The following DLL1 variants were observed in gnomAD, a reference collection of about 807,000 sequenced individuals.
DLL1 encodes delta-like protein 1.
In DLL1, 9 loss-of-function variants were observed where a neutral mutation model predicts 75.1. The observed-to-expected ratio is 0.12, with a 90% CI of 0.07 to 0.21. DLL1 has a LOEUF of 0.21. DLL1 is among the 10% of genes least tolerant of loss of function. The pLI, the probability that DLL1 is intolerant of heterozygous loss-of-function variation, is 1.00. For missense variants in DLL1, 837 were observed against 1,007.6 expected, an observed-to-expected ratio of 0.83 and a Z score of 2.29; for synonymous variants, 477 against 418.3, an observed-to-expected ratio of 1.14 and a Z score of -1.71.
In DLL1 at chr6:170,290,073, C is replaced by T; in HGVS notation, c.54+13G>A. 15 of 1,576,880 alleles carry T rather than the reference C, an allele frequency of 9.5e-6. No homozygotes were observed. The highest frequency in any genetic ancestry group is 1.3e-5 in the Non-Finnish European group (15 of 1,170,550). The stretch of plus-strand genomic sequence containing the variant: ...ACCCCGCGGGGCCGCGGCGCCCCCA[C>T]CTGCCCGCCTACCTGACACAGCAAG... On this transcript the variant is annotated intron_variant, in intron 1 of 10. Coordinates refer to ENST00000366756, the MANE Select transcript of DLL1 (RefSeq NM_005618.4). This position sits in a 1 kb window ranked among gnomAD's most constrained non-coding sequence, Gnocchi z 4.7.
Position 170,283,980 on chromosome 6 carries a change from G to A in DLL1, c.1299C>T (p.Ala433=), listed in dbSNP as rs61757615. The change falls in exon 9 of 11, where the codon GCC becomes GCT. Residue 433 remains alanine, a synonymous_variant. Coordinates refer to ENST00000366756, the MANE Select transcript of DLL1 (RefSeq NM_005618.4). ...CGTCACAGTGCCTCCCCGAGAAGCC[G>A]GCCTGGCAGCGGCACAGGTAGGCAT... ...LGDAYLCRCQ[A]GFSGRHCDDN... is the part of the protein sequence containing the mutation. 2.4e-3 allele frequency: 3,819 copies of A among 1,585,696 alleles called. 82 individuals are homozygous for A. The South Asian group carries it at 0.035, about 14-fold the overall frequency.
rs1460588598 is a variant in DLL1 at position 170,282,427 on chromosome 6, G to T, written c.*447C>A. The T allele has an allele frequency of 4.7e-6, 1 of 213,496 alleles. No individual in the cohort carries two copies. The highest frequency in any genetic ancestry group is 2.3e-5 in the African/African-American group (1 of 43,398). The allele number at this position is 213,496 out of a possible 1,614,324, so 13.2% of individuals were successfully genotyped here. On this transcript the variant is annotated 3_prime_UTR_variant, in exon 11 of 11. Coordinates refer to ENST00000366756, the MANE Select transcript of DLL1 (RefSeq NM_005618.4). ...AATACTCAAGCTTTACAGATATCAT[G>T]AAAAATATTTTTACAAATCCAAAAA...
chr6:170,290,230 G>A lies in DLL1; in HGVS notation c.-91C>T. Reference sequence around the variant, plus strand: ...GCGGGGGATCGATGGGCCACGGGGAGCGTGGGCAGAAAAGCGCCCTTGCCT... The same window carrying A: ...GCGGGGGATCGATGGGCCACGGGGAACGTGGGCAGAAAAGCGCCCTTGCCT... On this transcript the variant is annotated 5_prime_UTR_variant, in exon 1 of 11. Coordinates refer to ENST00000366756, the MANE Select transcript of DLL1 (RefSeq NM_005618.4). This position sits in a 1 kb window ranked among gnomAD's most constrained non-coding sequence, Gnocchi z 4.7. 6.7e-7 allele frequency: 1 copy of A among 1,496,216 alleles called. No individual in the cohort carries two copies. 92.7% of individuals were successfully genotyped at this position (1,496,216 alleles called of 1,614,324 possible). A position where few individuals can be genotyped will look rare whatever the true frequency, so the allele number is the denominator to read the frequency against.
In DLL1 at chr6:170,291,019, G is replaced by C; in HGVS notation, c.-880C>G. On this transcript the variant is annotated 5_prime_UTR_variant, in exon 1 of 11. Coordinates refer to ENST00000366756, the MANE Select transcript of DLL1 (RefSeq NM_005618.4). ...TCAGCAGCCCCCCAATCTGGCGAGA[G>C]CTGTCACAAAGGAGCCACTTTTCCA... 1 of 702,014 alleles carries C rather than the reference G, an allele frequency of 1.4e-6. No individual in the cohort carries two copies. Among genetic ancestry groups the C allele is most frequent in the Middle Eastern group, 2.3e-4 (1 of 4,354 alleles). The allele number at this position is 702,014 out of a possible 1,614,324, so 43.5% of individuals were successfully genotyped here. A position where few individuals can be genotyped will look rare whatever the true frequency, so the allele number is the denominator to read the frequency against.
chr6:170,289,291 C>T, intron 2 of DLL1: 1 of 757,280 alleles, frequency 1.3e-6, no homozygotes, highest in Non-Finnish European at 2.2e-6. Flanking sequence ...CTCCTCCTCG[C>T]CCCAGCGCGG....
At chr6:170,286,825 ACG>A (rs1783707500) in intron 4 of DLL1, among the ~76,000 whole-genome samples, 2 of 150,048 alleles carry the variant, frequency 1.3e-5, no homozygotes, top group South Asian at 4.3e-4. Context: ...ACACACACAC[ACG>A]CACACGCACC....
In DLL1 at chr6:170,290,411, G is replaced by T; in HGVS notation, c.-272C>A. 1 of 411,234 alleles carries T rather than the reference G, an allele frequency of 2.4e-6. No individual in the cohort carries two copies. Among genetic ancestry groups the T allele is most frequent in the Non-Finnish European group, 4.3e-6 (1 of 234,154 alleles). The allele number at this position is 411,234 out of a possible 1,614,324, so 25.5% of individuals were successfully genotyped here. The stretch of plus-strand genomic sequence containing the variant: ...TCTCGGGGGACAGCGCGGCGGCGGC[G>T]ACTTTCGTTTTCCTCCTTCCTCCCA... On this transcript the variant is annotated 5_prime_UTR_variant, in exon 1 of 11. Transcript: ENST00000366756. The surrounding 1 kb of genome is among the most constrained non-coding windows in gnomAD (Gnocchi z 4.7).
chr6:170,290,068 C>T lies in DLL1; in HGVS notation c.54+18G>A, dbSNP rs774396039. ...GTGAGACCCCGCGGGGCCGCGGCGC[C>T]CCCACCTGCCCGCCTACCTGACACA... On this transcript the variant is annotated intron_variant, in intron 1 of 10. Coordinates refer to ENST00000366756, the MANE Select transcript of DLL1 (RefSeq NM_005618.4). This position sits in a 1 kb window ranked among gnomAD's most constrained non-coding sequence, Gnocchi z 4.7. 17 of 1,574,948 alleles carry T rather than the reference C, an allele frequency of 1.1e-5. No individual in the cohort carries two copies. The highest frequency in any genetic ancestry group is 1.5e-5 in the Non-Finnish European group (17 of 1,169,856).
rs1025418935 is a variant in DLL1 at position 170,282,275 on chromosome 6, A to T, written c.*599T>A. 1 of 153,196 alleles carries T rather than the reference A, an allele frequency of 6.5e-6. No individual in the cohort carries two copies. The highest frequency in any genetic ancestry group is 1.5e-5 in the Non-Finnish European group (1 of 68,536). 9.5% of individuals were successfully genotyped at this position (153,196 alleles called of 1,614,324 possible). On this transcript the variant is annotated 3_prime_UTR_variant, in exon 11 of 11. Coordinates refer to ENST00000366756, the MANE Select transcript of DLL1 (RefSeq NM_005618.4). ...ATTTCTTCATTAACAAAACAGTAAA[A>T]AACTCAAATAACATTTGCACAATAT...
chr6:170,286,091 T>C (rs1173245601), intron 5 of DLL1, 147 bp downstream of exon 5: 1 of 947,374 alleles, frequency 1.1e-6, no homozygotes, highest in Non-Finnish European at 1.7e-6. Context: ...ATTGATTAAG[T>C]AGAAACATGA....
chr6:170,288,607 C>T (rs1195486354), intron 3 of DLL1, 111 bp from the exon 4 acceptor site: 3 of 1,610,514 alleles, frequency 1.9e-6, no homozygotes, highest in African/African-American at 2.7e-5. Context: ...AGCTGCTCCA[C>T]CCTGAACTTT....
chr6:170,286,098 ATGAGAAAACGGCCCCC>A (rs1783689333), intron 5 of DLL1, 124 bp downstream of exon 5: 1 of 1,015,116 alleles, frequency 9.9e-7, no homozygotes, highest in Non-Finnish European at 1.5e-6. Context: ...AAGTAGAAAC[ATGAGAAAACGGCCCCC>A]TGTTCAATCA....
At chr6:170,284,157 G>C in intron 8 of DLL1, 128 bp from the exon 9 acceptor site, 2 of 1,205,956 alleles carry the variant, frequency 1.7e-6, no homozygotes, top group Non-Finnish European at 2.4e-6. Context: ...TGGCCTGAAT[G>C]AGTCCACAGC....
At chr6:170,284,093 T>G in intron 8 of DLL1, 64 bp from the exon 9 acceptor site, 1 of 1,528,896 alleles carries the variant, frequency 6.5e-7, no homozygotes, top group Non-Finnish European at 8.8e-7. Flanking sequence ...AAAGTCACTC[T>G]GAAGCATCTA....
chr6:170,289,061 A>AG (rs1783776218), intron 2 of DLL1: 19 of 596,598 alleles, frequency 3.2e-5, no homozygotes, highest in Non-Finnish European at 6.0e-6. Context: ...AGAGAGAGAG[A>AG]GAATGCAGGC....
Position 170,289,526 on chromosome 6 carries a change from C to T in DLL1, c.337G>A (p.Gly113Ser). The T allele has an allele frequency of 1.3e-6, 2 of 1,534,766 alleles. No individual in the cohort carries two copies. Among genetic ancestry groups the T allele is most frequent in the Non-Finnish European group, 1.7e-6 (2 of 1,146,310 alleles). The change falls in exon 2 of 11, where the codon GGC (glycine) becomes AGC (serine). Residue 113 changes from glycine to serine, a missense_variant. By Grantham distance (56) the Gly-to-Ser change is moderately conservative (BLOSUM62 0). Around this residue, in one of 2 missense-constraint regions of DLL1, gnomAD observed 304 missense variants for 461.9 expected, o/e 0.66. Coordinates refer to ENST00000366756, the MANE Select transcript of DLL1 (RefSeq NM_005618.4). ...GCGGCACTCACCGGCCAGGTGAAGC[C>T]GAAGGGGAAGCGGATGGGGTTGCTG... ...AFSNPIRFPF[G>S]FTWPGTFSLI...
rs920318952 is a variant in DLL1 at position 170,290,408 on chromosome 6, G to A, written c.-269C>T. On this transcript the variant is annotated 5_prime_UTR_variant, in exon 1 of 11. Coordinates refer to ENST00000366756, the MANE Select transcript of DLL1 (RefSeq NM_005618.4). This position sits in a 1 kb window ranked among gnomAD's most constrained non-coding sequence, Gnocchi z 4.7. ...AGCTCTCGGGGGACAGCGCGGCGGCGGCGACTTTCGTTTTCCTCCTTCCTC... is the reference window on the plus strand; with the variant it reads ...AGCTCTCGGGGGACAGCGCGGCGGCAGCGACTTTCGTTTTCCTCCTTCCTC... The A allele has an allele frequency of 4.8e-6, 2 of 413,034 alleles. No individual in the cohort carries two copies. The highest frequency in any genetic ancestry group is 8.5e-6 in the Non-Finnish European group (2 of 235,518). 25.6% of individuals were successfully genotyped at this position (413,034 alleles called of 1,614,324 possible). A position where few individuals can be genotyped will look rare whatever the true frequency, so the allele number is the denominator to read the frequency against.
At chr6:170,289,842 G>C in intron 1 of DLL1, 34 bp from the exon 2 acceptor site, 19 of 1,545,008 alleles carry the variant, frequency 1.2e-5, no homozygotes, top group Non-Finnish European at 1.6e-5. Context: ...TGAGGACGCG[G>C]GTCCCGCCCG....
intron 1 of DLL1, 21 bp from the exon 2 acceptor site, chr6:170,289,829 G>C: frequency 6.5e-7 from 1 of 1,549,446 alleles, no homozygotes; most frequent in Non-Finnish European, 8.7e-7. Context: ...GAGGGCGGGG[G>C]CGTGAGGACG....
Sources: gnomAD v4.1 joint callset for allele counts (sites outside exome capture counted in the v4.1 genomes callset) on GRCh38, gnomAD v4.1.1 for gene constraint, gnomAD v4.1.1 regional missense constraint, Gnocchi (gnomAD v3.1) non-coding constraint, MANE v1.5 for transcripts, NCBI Gene and HGNC (gene_info 2026-07-23, HGNC 2026-07-21) for gene names.